Variants in DACH2 observed in about 807,000 individuals in gnomAD.
The protein encoded by DACH2 is dachshund homolog 2.
A neutral mutation model predicts 35.8 loss-of-function variants in DACH2; 17 were observed. The observed-to-expected ratio is 0.48, with a 90% CI of 0.33 to 0.71. The LOEUF (loss-of-function observed/expected upper bound fraction) is 0.71. DACH2 is among the 30% of genes least tolerant of loss of function. The pLI is 0.02. For synonymous variants in DACH2, 195 were observed against 177.3 expected, an observed-to-expected ratio of 1.10 and a Z score of -0.79; for missense variants, 469 against 472.7, an observed-to-expected ratio of 0.99 and a Z score of 0.07.
At chrX:86,400,783 G>T (rs149439188) in intron 2 of DACH2, among the ~76,000 whole-genome samples, 4,554 of 111,622 alleles carry the variant, frequency 0.041, 102 homozygotes, top group East Asian at 0.23. Flanking sequence ...GTGTCAGTCT[G>T]CCCCTACTGG....
chrX:86,227,962 AT>A (rs200512147), intron 1 of DACH2, among the ~76,000 whole-genome samples: 8,297 of 110,256 alleles, frequency 0.075, 797 homozygotes, highest in African/African-American at 0.26. Context: ...ATTATTTATT[AT>A]TTTTTTAATT....
chrX:86,319,478 G>A (rs1328036643), intron 1 of DACH2, among the ~76,000 whole-genome samples: 2 of 111,513 alleles, frequency 1.8e-5, no homozygotes, highest in Non-Finnish European at 3.8e-5. Context: ...TTATGTACTA[G>A]ATACAGATAA....
chrX:86,450,828 T>A (rs73522046), intron 2 of DACH2, among the ~76,000 whole-genome samples: 54 of 111,403 alleles, frequency 4.8e-4, no homozygotes, highest in African/African-American at 1.7e-3. Context: ...TCAGAGACGT[T>A]GAGCTTTTAA....
chrX:86,666,595 G>T (rs1298394687), intron 4 of DACH2, among the ~76,000 whole-genome samples: 1 of 111,817 alleles, frequency 8.9e-6, no homozygotes, highest in East Asian at 2.8e-4. Context: ...GCAAATCCAG[G>T]CAAGTCTCTT....
chrX:86,295,424 C>T (rs773330810), intron 1 of DACH2, among the ~76,000 whole-genome samples: 3 of 111,912 alleles, frequency 2.7e-5, no homozygotes, highest in African/African-American at 6.5e-5. Context: ...TGTTCCTATT[C>T]GCTCTAAGCA....
At position 86,814,681 on chromosome X, in the gene DACH2, A is replaced by G. The variant is rs1326027899; in HGVS notation, c.1538-7A>G. ...CAAGTCTTTGCAAACTACCTTTTACATTTCAGCTACTATGCAAAAGCGCCT... is the reference window on the plus strand; with the variant it reads ...CAAGTCTTTGCAAACTACCTTTTACGTTTCAGCTACTATGCAAAAGCGCCT... On this transcript the variant is annotated splice_polypyrimidine_tract_variant and splice_region_variant and intron_variant, in intron 9 of 11. Coordinates refer to ENST00000373125, the MANE Select transcript of DACH2 (RefSeq NM_053281.3). 1.6e-5 allele frequency: 19 copies of G among 1,208,153 alleles called. No individual in the cohort carries two copies. Among genetic ancestry groups the G allele is most frequent in the Non-Finnish European group, 2.1e-5 (19 of 894,265 alleles).
chrX:86,659,282 T>C (rs995663659), intron 4 of DACH2, among the ~76,000 whole-genome samples: 4 of 111,020 alleles, frequency 3.6e-5, no homozygotes, highest in African/African-American at 1.3e-4. Flanking sequence ...AACTATTGTT[T>C]TTTCAGTACC....
chrX:86,178,884 AG>A (rs2031389743), intron 1 of DACH2, among the ~76,000 whole-genome samples: 1 of 112,108 alleles, frequency 8.9e-6, no homozygotes. Flanking sequence ...CACAAGAAAA[AG>A]AGCAAATTGC....
chrX:86,344,964 C>T (rs7890819), intron 1 of DACH2, among the ~76,000 whole-genome samples: 14,684 of 111,556 alleles, frequency 0.13, 2,362 homozygotes, highest in African/African-American at 0.45. Context: ...TGATAACCTC[C>T]TTTAGAAACT....
intron 7 of DACH2, among the ~76,000 whole-genome samples, chrX:86,808,873 T>C (rs549172667): frequency 9.0e-6 from 1 of 110,910 alleles, no homozygotes; most frequent in Admixed American, 9.6e-5. Flanking sequence ...AGCATTAGAG[T>C]CATGTAGAGA....
chrX:86,424,511 GT>G (rs2036859533), intron 2 of DACH2, among the ~76,000 whole-genome samples: 1 of 111,035 alleles, frequency 9.0e-6, no homozygotes, highest in Non-Finnish European at 1.9e-5. Context: ...ATGCTACTGA[GT>G]TTTGAATGTT....
At chrX:86,320,313 G>C (rs908860648) in intron 1 of DACH2, among the ~76,000 whole-genome samples, 1 of 112,152 alleles carries the variant, frequency 8.9e-6, no homozygotes, top group African/African-American at 3.2e-5. Flanking sequence ...TAAGCTGAGC[G>C]CTCTTTAAGA....
intron 7 of DACH2, among the ~76,000 whole-genome samples, chrX:86,743,972 A>G (rs2041684321): frequency 9.0e-6 from 1 of 111,338 alleles, no homozygotes; most frequent in African/African-American, 3.3e-5. Flanking sequence ...CTTTGCTAGG[A>G]AAGTCCCAAG....
chrX:86,344,102 G>A (rs1033994361), intron 1 of DACH2, among the ~76,000 whole-genome samples: 8 of 110,111 alleles, frequency 7.3e-5, no homozygotes, highest in Admixed American at 5.9e-4. Flanking sequence ...ATTCTTGAGG[G>A]GATGGCCACC....
At chrX:86,566,992 C>T (rs2039301546) in intron 3 of DACH2, among the ~76,000 whole-genome samples, 1 of 111,643 alleles carries the variant, frequency 9.0e-6, no homozygotes, top group Non-Finnish European at 1.9e-5. Context: ...ACTCCGTTGA[C>T]CAAACATGTA....
At chrX:86,181,499 T>C (rs1187577431) in intron 1 of DACH2, among the ~76,000 whole-genome samples, 4 of 111,489 alleles carry the variant, frequency 3.6e-5, no homozygotes, top group African/African-American at 1.3e-4. Flanking sequence ...TTCATGTCCC[T>C]GAAAAGGACG....
At chrX:86,521,131 C>T (rs2038547530) in intron 3 of DACH2, among the ~76,000 whole-genome samples, 1 of 111,518 alleles carries the variant, frequency 9.0e-6, no homozygotes, top group Admixed American at 9.5e-5. Context: ...CTAATCTGAA[C>T]AGGATCTTAT....
chrX:86,485,132 A>C (rs906837710), intron 2 of DACH2, among the ~76,000 whole-genome samples: 3 of 112,190 alleles, frequency 2.7e-5, no homozygotes, highest in Non-Finnish European at 5.6e-5. Flanking sequence ...AGGAAAAAAG[A>C]TATTAATTAA....
At chrX:86,189,402 C>G (rs189387401) in intron 1 of DACH2, among the ~76,000 whole-genome samples, 3 of 111,466 alleles carry the variant, frequency 2.7e-5, no homozygotes, top group Non-Finnish European at 5.6e-5. Context: ...CTTCATCAAC[C>G]GTGTCAGTGA....
Sources: gnomAD v4.1 joint callset for allele counts (sites outside exome capture counted in the v4.1 genomes callset) on GRCh38, gnomAD v4.1.1 for gene constraint, MANE v1.5 for transcripts, NCBI Gene and HGNC (gene_info 2026-07-23, HGNC 2026-07-21) for gene names.